Variants in CDH22 observed in about 807,000 individuals in gnomAD.
The protein encoded by CDH22 is cadherin-22.
A neutral mutation model predicts 58.4 loss-of-function variants in CDH22; 30 were observed. That is an observed-to-expected ratio of 0.51 (90% confidence interval 0.38 to 0.70). The LOEUF is 0.70. Among genes scored for constraint, CDH22 ranks in the 30% least tolerant of loss-of-function variants. The pLI is 0.00. For synonymous variants in CDH22, 513 were observed against 558.2 expected (o/e 0.92, Z 1.14); for missense variants, 1,014 against 1,233.9 (o/e 0.82, Z 2.67).
intron 11 of CDH22, 53 bp from the exon 12 acceptor site, chr20:46,175,130 A>G: frequency 6.5e-7 from 1 of 1,544,476 alleles, no homozygotes; most frequent in Middle Eastern, 1.7e-4. Flanking sequence ...CCAGGGCATT[A>G]GAAGGACCCT....
chr20:46,249,258 A>G (rs938416860), intron 2 of CDH22, among the ~76,000 whole-genome samples: 27 of 152,226 alleles, frequency 1.8e-4, no homozygotes, highest in Non-Finnish European at 2.8e-4. Context: ...GCTACTACCT[A>G]TCATATAGCA....
chr20:46,288,439 C>A (rs2086585745), intron 1 of CDH22, among the ~76,000 whole-genome samples: 1 of 152,154 alleles, frequency 6.6e-6, no homozygotes. Flanking sequence ...CATGTAACCC[C>A]GCAGCTTGAA....
rs1479850778 is a variant in CDH22 at position 46,210,329 on chromosome 20, C to T, written c.1264G>A (p.Asp422Asn). Residue 422 changes from aspartate to asparagine, a missense_variant, in exon 7 of 12, where the codon GAC (aspartate) becomes AAC (asparagine). This residue lies in a region of CDH22 where 806 missense variants were observed against 1,038.7 expected (regional missense o/e 0.78). Transcript: ENST00000537909. This position sits in a 1 kb window ranked among gnomAD's most constrained non-coding sequence, Gnocchi z 4.5. Reference sequence around the variant, plus strand: ...CACCGGACGGGCCGGTTGGCGGCGTCGGGGTCCCGCGCCGTCACCACGCCG... The same window carrying T: ...CACCGGACGGGCCGGTTGGCGGCGTTGGGGTCCCGCGCCGTCACCACGCCG... ...LVGVVTARDPDAANRPVRYAI... is the reference protein window; with the variant it reads ...LVGVVTARDPNAANRPVRYAI... 6.9e-7 allele frequency: 1 copy of T among 1,453,902 alleles called. No individual in the cohort carries two copies. The highest frequency in any genetic ancestry group is 9.0e-7 in the Non-Finnish European group (1 of 1,108,030). 90.1% of individuals were successfully genotyped at this position (1,453,902 alleles called of 1,614,324 possible).
At chr20:46,177,313 G>A (rs1398848626) in intron 11 of CDH22, among the ~76,000 whole-genome samples, 5 of 152,190 alleles carry the variant, frequency 3.3e-5, no homozygotes, top group Admixed American at 2.6e-4. Context: ...TCAAATCCAG[G>A]TTAGCTTCTG....
intron 4 of CDH22, among the ~76,000 whole-genome samples, chr20:46,222,909 A>G (rs988711708): frequency 3.3e-5 from 5 of 152,250 alleles, no homozygotes; most frequent in African/African-American, 1.2e-4. Flanking sequence ...CAGCAAGAAC[A>G]GACTGTACCT....
chr20:46,184,992 AAG>A (rs1225228887), intron 10 of CDH22, among the ~76,000 whole-genome samples: 2 of 152,156 alleles, frequency 1.3e-5, no homozygotes, highest in African/African-American at 4.8e-5. Context: ...AGGCTGAGGC[AAG>A]AGAATCTCTT....
intron 1 of CDH22, among the ~76,000 whole-genome samples, chr20:46,301,020 A>G (rs539076914): frequency 1.2e-3 from 189 of 152,342 alleles, no homozygotes; most frequent in African/African-American, 4.5e-3. Flanking sequence ...AATATATTAT[A>G]GGGTGAAAAA....
chr20:46,181,117 C>G (rs775823212), intron 10 of CDH22, among the ~76,000 whole-genome samples: 124 of 152,240 alleles, frequency 8.1e-4, no homozygotes, highest in Admixed American at 1.3e-3. Context: ...TGCTAGGCAC[C>G]ATGCTAGTCG....
At position 46,191,290 on chromosome 20, in the gene CDH22, G is replaced by C. The variant is rs115990646; in HGVS notation, c.1424-4343C>G. On this transcript the variant is annotated intron_variant, in intron 8 of 11. Transcript: ENST00000537909. ...AAGGAAAGACTGTCTCAGGCAGTGGGATCAGCACGTGCAAAGGCCCTGGGG... is the reference window on the plus strand; with the variant it reads ...AAGGAAAGACTGTCTCAGGCAGTGGCATCAGCACGTGCAAAGGCCCTGGGG... Among the ~76,000 whole-genome samples the C allele has an allele frequency of 9.0e-3, 1,371 of 152,266 alleles. 16 individuals carry two copies. Among genetic ancestry groups the C allele is most frequent in the African/African-American group, 0.032 (1,313 of 41,526 alleles).
chr20:46,202,553 C>T (rs1303272779), intron 7 of CDH22, among the ~76,000 whole-genome samples: 1 of 152,078 alleles, frequency 6.6e-6, no homozygotes, highest in Non-Finnish European at 1.5e-5. Flanking sequence ...CGGGGTTTCA[C>T]CTTGTTAGCC....
intron 1 of CDH22, among the ~76,000 whole-genome samples, chr20:46,253,487 G>C (rs2086391159): frequency 6.6e-6 from 1 of 152,158 alleles, no homozygotes. Flanking sequence ...CATGGGGTCA[G>C]GAGGACCCAT....
In CDH22 at chr20:46,213,091, C is replaced by T; in HGVS notation, c.936G>A (p.Met312Ile). The change falls in exon 6 of 12, where the codon ATG (methionine) becomes ATA (isoleucine). Residue 312 changes from methionine (M) to isoleucine (I), a missense_variant. Met to Ile is a conservative substitution (Grantham distance 10). Around this residue, in one of 2 missense-constraint regions of CDH22, gnomAD observed 806 missense variants for 1,038.7 expected, o/e 0.78. Transcript: ENST00000537909. ...EDSDVGENTD[M>I]TYHLKDESSS... The stretch of plus-strand genomic sequence containing the variant: ...TGCTCTCGTCCTTAAGGTGGTAAGT[C>T]ATGTCTGTGTTCTCTCCCACGTCTG... 6.8e-6 allele frequency: 11 copies of T among 1,614,186 alleles called. No individual in the cohort carries two copies. The highest frequency in any genetic ancestry group is 9.3e-6 in the Non-Finnish European group (11 of 1,180,018).
chr20:46,279,275 T>G (rs1212218211), intron 1 of CDH22, among the ~76,000 whole-genome samples: 3 of 152,196 alleles, frequency 2.0e-5, no homozygotes, highest in African/African-American at 7.2e-5. Flanking sequence ...AAAAAACTCA[T>G]GACTCAGGAG....
At chr20:46,277,144 G>GA (rs11354476) in intron 1 of CDH22, among the ~76,000 whole-genome samples, 133 of 130,444 alleles carry the variant, frequency 1.0e-3, no homozygotes, top group East Asian at 1.1e-3. Context: ...CACCTCTAAA[G>GA]AAAAAAAAAA....
intron 10 of CDH22, among the ~76,000 whole-genome samples, chr20:46,185,871 A>G (rs1256419963): frequency 1.3e-5 from 2 of 152,048 alleles, no homozygotes; most frequent in Non-Finnish European, 2.9e-5. Flanking sequence ...TTTCAAGAAC[A>G]ATTCCAAAAA....
chr20:46,291,801 C>T (rs1568684561), intron 1 of CDH22, among the ~76,000 whole-genome samples: 1 of 152,240 alleles, frequency 6.6e-6, no homozygotes, highest in South Asian at 2.1e-4. Context: ...TCACAAATGG[C>T]CTCAGACTTC....
intron 8 of CDH22, among the ~76,000 whole-genome samples, chr20:46,189,521 C>T (rs1405862797): frequency 6.6e-6 from 1 of 152,136 alleles, no homozygotes; most frequent in African/African-American, 2.4e-5. Flanking sequence ...AGACAGGGTC[C>T]TATGGGCCAT....
rs949624076 is a variant in CDH22, at chr20:46,174,210, C to G, written c.*296G>C. ...GCCAGGATTGAGTGACCCGCCCCTT[C>G]CCGACTCTGCAACGCCACCCCCATC... On this transcript the variant is annotated 3_prime_UTR_variant, in exon 12 of 12. Transcript: ENST00000537909. The surrounding 1 kb of genome is among the most constrained non-coding windows in gnomAD (Gnocchi z 4.4). The G allele has an allele frequency of 2.3e-6, 1 of 429,482 alleles. No individual in the cohort carries two copies. The highest frequency in any genetic ancestry group is 4.1e-6 in the Non-Finnish European group (1 of 244,650). 26.6% of individuals were successfully genotyped at this position (429,482 alleles called of 1,614,324 possible). A position where few individuals can be genotyped will look rare whatever the true frequency, so the allele number is the denominator to read the frequency against.
chr20:46,228,286 C>T (rs548653721), intron 3 of CDH22, among the ~76,000 whole-genome samples: 2 of 152,312 alleles, frequency 1.3e-5, no homozygotes, highest in South Asian at 4.1e-4. Context: ...TTGTTGGCTG[C>T]GGGCCCTGGT....
Sources: gnomAD v4.1 joint callset for allele counts (sites outside exome capture counted in the v4.1 genomes callset) on GRCh38, gnomAD v4.1.1 for gene constraint, gnomAD v4.1.1 regional missense constraint, Gnocchi (gnomAD v3.1) non-coding constraint, MANE v1.5 for transcripts, NCBI Gene and HGNC (gene_info 2026-07-23, HGNC 2026-07-21) for gene names.